RORB: variants seen among roughly 807,000 people sequenced by gnomAD.
RORB encodes the protein nuclear receptor ROR-beta.
A neutral mutation model predicts 59.1 loss-of-function variants in RORB; 6 were observed. The observed-to-expected ratio is 0.10, with a 90% CI of 0.06 to 0.20. RORB has a LOEUF of 0.20. Among genes scored for constraint, RORB ranks in the 10% least tolerant of loss-of-function variants. RORB has a pLI of 1.00. For missense variants in RORB, 320 were observed against 560.5 expected, an observed-to-expected ratio of 0.57 and a Z score of 4.33; for synonymous variants, 215 against 204.5, an observed-to-expected ratio of 1.05 and a Z score of -0.44.
intron 1 of RORB, among the ~76,000 whole-genome samples, chr9:74,595,075 A>C (rs898471938): frequency 1.3e-5 from 2 of 152,198 alleles, no homozygotes; most frequent in South Asian, 2.1e-4. Context: ...GGGACCCTTC[A>C]CCAGTTGAGT....
chr9:74,545,099 G>GT (rs113301176), intron 1 of RORB, among the ~76,000 whole-genome samples: 1,639 of 143,706 alleles, frequency 0.011, 22 homozygotes, highest in African/African-American at 0.028. Context: ...CTGCGAGCAG[G>GT]TTTTTTTTTT....
chr9:74,665,656 T>C (rs1824252751), intron 7 of RORB, 61 bp downstream of exon 7: 21 of 1,039,038 alleles, frequency 2.0e-5, no homozygotes, highest in Non-Finnish European at 2.6e-5. Flanking sequence ...TCCACTTAGA[T>C]TGAAATTGGT....
chr9:74,558,342 A>G (rs2118184124), intron 1 of RORB, among the ~76,000 whole-genome samples: 1 of 152,198 alleles, frequency 6.6e-6, no homozygotes, highest in South Asian at 2.1e-4. Context: ...ATCATTCAGA[A>G]TCTGTCGTCC....
In RORB at chr9:74,497,959, C is replaced by T. The variant is rs372919640; in HGVS notation, c.-18C>T. The T allele has an allele frequency of 6.2e-7, 1 of 1,611,620 alleles. No individual in the cohort carries two copies. Among genetic ancestry groups the T allele is most frequent in the South Asian group, 1.1e-5 (1 of 90,594 alleles). On this transcript the variant is annotated 5_prime_UTR_variant, in exon 1 of 10. Transcript: ENST00000376896. ...GGAGCAGCTTCATGACTACGCGGAG[C>T]GGGAGAGCGGCCACACCATGCGAGG...
chr9:74,517,572 C>A (rs925228953), intron 1 of RORB, among the ~76,000 whole-genome samples: 1 of 151,960 alleles, frequency 6.6e-6, no homozygotes, highest in African/African-American at 2.4e-5. Context: ...ATATTTGAAT[C>A]TGGAAATAGA....
chr9:74,639,443 T>C (rs1823757932), intron 3 of RORB, among the ~76,000 whole-genome samples: 1 of 152,174 alleles, frequency 6.6e-6, no homozygotes, highest in East Asian at 1.9e-4. Flanking sequence ...ATCAGTCATC[T>C]ACAAAGTATA....
At chr9:74,538,880 C>T (rs1826362846) in intron 1 of RORB, among the ~76,000 whole-genome samples, 1 of 152,104 alleles carries the variant, frequency 6.6e-6, no homozygotes, top group South Asian at 2.1e-4. Flanking sequence ...TTGGACAATT[C>T]ACTCAACTTC....
rs1563976315 is a variant in RORB at position 74,690,590 on chromosome 9, C to T, written c.*4972C>T. 1 of 152,216 alleles carries T rather than the reference C, an allele frequency of 6.6e-6. No homozygotes were observed. Among genetic ancestry groups the T allele is most frequent in the Admixed American group, 6.5e-5 (1 of 15,282 alleles). 9.4% of individuals were successfully genotyped at this position (152,216 alleles called of 1,614,324 possible). The stretch of plus-strand genomic sequence containing the variant: ...TCAGCTTGCAGCCTCTGGTTTAAAG[C>T]AAAATCGCATCTGGGGCCAGCTCAA... On this transcript the variant is annotated 3_prime_UTR_variant, in exon 10 of 10. Coordinates refer to ENST00000376896, the MANE Select transcript of RORB (RefSeq NM_006914.4).
In RORB at chr9:74,687,554, A is replaced by G. The variant is rs1459068960; in HGVS notation, c.*1936A>G. On this transcript the variant is annotated 3_prime_UTR_variant, in exon 10 of 10. Transcript: ENST00000376896. ...TGGGGAAAAACAAAAAGGCTTTAAA[A>G]TAATGAATCTGTTTCTCAACTACTG... The G allele has an allele frequency of 5.3e-5, 8 of 152,208 alleles. No homozygotes were observed. The highest frequency in any genetic ancestry group is 5.9e-5 in the Non-Finnish European group (4 of 68,036). 9.4% of individuals were successfully genotyped at this position (152,208 alleles called of 1,614,324 possible).
At chr9:74,548,964 A>G (rs1296845583) in intron 1 of RORB, among the ~76,000 whole-genome samples, 2 of 152,206 alleles carry the variant, frequency 1.3e-5, no homozygotes, top group African/African-American at 4.8e-5. Flanking sequence ...TTTAAATAAA[A>G]TATATTAAAA....
chr9:74,601,463 GCAAT>G (rs1180950928), intron 1 of RORB, among the ~76,000 whole-genome samples: 1 of 151,434 alleles, frequency 6.6e-6, no homozygotes, highest in East Asian at 1.9e-4. Flanking sequence ...TCTCCCCAAG[GCAAT>G]CAGTTTTACC....
intron 1 of RORB, among the ~76,000 whole-genome samples, chr9:74,546,368 A>T (rs1456066121): frequency 6.6e-6 from 1 of 152,180 alleles, no homozygotes; most frequent in Non-Finnish European, 1.5e-5. Flanking sequence ...GGTTGACATG[A>T]GACCTTGGAG....
chr9:74,672,576 T>C (rs770415513), intron 9 of RORB, among the ~76,000 whole-genome samples: 5 of 152,194 alleles, frequency 3.3e-5, no homozygotes, highest in Non-Finnish European at 5.9e-5. Context: ...ATTTCTTGAT[T>C]CAGCTTAATT....
intron 1 of RORB, among the ~76,000 whole-genome samples, chr9:74,601,853 A>T (rs1299320427): frequency 6.6e-6 from 1 of 152,188 alleles, no homozygotes; most frequent in Non-Finnish European, 1.5e-5. Flanking sequence ...CTCAGCCTAG[A>T]TGATATTCAC....
At chr9:74,663,984 A>G (rs1466745143) in intron 6 of RORB, among the ~76,000 whole-genome samples, 1 of 152,160 alleles carries the variant, frequency 6.6e-6, no homozygotes, top group Non-Finnish European at 1.5e-5. Flanking sequence ...ATGAAGCCCC[A>G]CCCAGATTCA....
At chr9:74,620,790 C>T (rs1823401706) in intron 1 of RORB, among the ~76,000 whole-genome samples, 1 of 152,120 alleles carries the variant, frequency 6.6e-6, no homozygotes. Context: ...TTTCTGCCTT[C>T]ATTTCGTTAT....
At chr9:74,501,575 G>T (rs1460003520) in intron 1 of RORB, among the ~76,000 whole-genome samples, 1 of 152,124 alleles carries the variant, frequency 6.6e-6, no homozygotes, top group Non-Finnish European at 1.5e-5. Context: ...TCCAAGAAAT[G>T]TAATTATTCA....
intron 1 of RORB, among the ~76,000 whole-genome samples, chr9:74,569,127 C>T (rs1424463970): frequency 6.6e-6 from 1 of 151,692 alleles, no homozygotes; most frequent in East Asian, 1.9e-4. Context: ...AGTCACCAGA[C>T]ACAAATGAAA....
intron 6 of RORB, among the ~76,000 whole-genome samples, chr9:74,664,061 G>A (rs1054419847): frequency 6.6e-6 from 1 of 152,120 alleles, no homozygotes; most frequent in African/African-American, 2.4e-5. Flanking sequence ...CATATGGGAT[G>A]GAAGATATTT....
Sources: gnomAD v4.1 joint callset for allele counts (sites outside exome capture counted in the v4.1 genomes callset) on GRCh38, gnomAD v4.1.1 for gene constraint, MANE v1.5 for transcripts, NCBI Gene and HGNC (gene_info 2026-07-23, HGNC 2026-07-21) for gene names.